Variants in TCF12 observed in about 807,000 individuals in gnomAD.
TCF12 encodes DNA-binding protein HTF4.
In TCF12, 45 loss-of-function variants were observed where a neutral mutation model predicts 86.0. The ratio of observed to expected loss-of-function variants is 0.52; its 90% CI spans 0.41 to 0.67. The LOEUF (loss-of-function observed/expected upper bound fraction) is 0.67. Among genes scored for constraint, TCF12 ranks in the 30% least tolerant of loss-of-function variants. The probability of loss-of-function intolerance (pLI) is 0.00; values close to 1 mark genes in which losing one functional copy is unlikely to be tolerated. For missense variants in TCF12, 881 were observed against 859.9 expected (o/e 1.02, Z -0.31); for synonymous variants, 330 against 299.6 (o/e 1.10, Z -1.05).
chr15:57,199,115 G>C (rs762658141), intron 8 of TCF12, among the ~76,000 whole-genome samples: 14 of 152,158 alleles, frequency 9.2e-5, no homozygotes, highest in Non-Finnish European at 2.1e-4. Context: ...AAAAGCTTTT[G>C]CTTGCATAAG....
At chr15:57,008,854 C>T (rs1477872991) in intron 3 of TCF12, among the ~76,000 whole-genome samples, 1 of 151,976 alleles carries the variant, frequency 6.6e-6, no homozygotes, top group Non-Finnish European at 1.5e-5. Context: ...TCATGATGTC[C>T]ATGAAAGGGC....
chr15:56,942,701 G>A (rs369291512), intron 3 of TCF12, among the ~76,000 whole-genome samples: 4 of 152,100 alleles, frequency 2.6e-5, no homozygotes, highest in African/African-American at 7.2e-5. Context: ...TAGTATAAAA[G>A]CATTGAGGCA....
chr15:57,126,639 A>C (rs2051673576), intron 5 of TCF12, among the ~76,000 whole-genome samples: 1 of 152,158 alleles, frequency 6.6e-6, no homozygotes, highest in Non-Finnish European at 1.5e-5. Context: ...TCTTTCTGTC[A>C]TTGATGTGCC....
chr15:57,068,856 TG>T (rs2150987493), intron 4 of TCF12, among the ~76,000 whole-genome samples: 1 of 152,324 alleles, frequency 6.6e-6, no homozygotes, highest in East Asian at 1.9e-4. Context: ...ACATGTATTT[TG>T]TAGGGTTTTG....
At chr15:57,112,725 A>T (rs1024711658) in intron 5 of TCF12, among the ~76,000 whole-genome samples, 2 of 152,174 alleles carry the variant, frequency 1.3e-5, no homozygotes, top group Non-Finnish European at 2.9e-5. Flanking sequence ...TTATGTGCTA[A>T]ACACTGTGCT....
At chr15:57,104,201 A>G (rs2049957340) in intron 5 of TCF12, among the ~76,000 whole-genome samples, 2 of 152,120 alleles carry the variant, frequency 1.3e-5, no homozygotes, top group South Asian at 2.1e-4. Context: ...GTGAAAATAT[A>G]CTATATTTTC....
chr15:57,219,446 C>G lies in TCF12; in HGVS notation c.580-11706C>G, dbSNP rs180739356. 33 of 1,541,872 alleles carry G rather than the reference C, an allele frequency of 2.1e-5. No individual in the cohort carries two copies. The East Asian group carries it at 4.9e-4, about 23-fold the overall frequency. On this transcript the variant is annotated intron_variant, in intron 8 of 20. Coordinates refer to ENST00000333725, the MANE Select transcript of TCF12 (RefSeq NM_207037.2). ...ATGCATAGTACTGAAGACTTACTCC[C>G]TTTGCCTGTGTGGATATATGTCTTG...
intron 3 of TCF12, among the ~76,000 whole-genome samples, chr15:56,956,078 A>G (rs541294875): frequency 6.6e-5 from 10 of 151,846 alleles, no homozygotes; most frequent in Non-Finnish European, 8.8e-5. Context: ...AGCACTGTAC[A>G]CTTTTTTTCT....
intron 4 of TCF12, among the ~76,000 whole-genome samples, chr15:57,077,176 A>G (rs1177787600): frequency 6.6e-6 from 1 of 152,122 alleles, no homozygotes; most frequent in Non-Finnish European, 1.5e-5. Context: ...CCAGTATGTC[A>G]GTTTCTACGA....
At chr15:57,280,190 C>T (rs2061621054) in intron 19 of TCF12, among the ~76,000 whole-genome samples, 1 of 151,776 alleles carries the variant, frequency 6.6e-6, no homozygotes, top group Admixed American at 6.6e-5. Context: ...ACGCCCAGCC[C>T]ACAGTCTCTT....
At chr15:57,110,543 T>C (rs1403689456) in intron 5 of TCF12, among the ~76,000 whole-genome samples, 1 of 152,234 alleles carries the variant, frequency 6.6e-6, no homozygotes, top group Non-Finnish European at 1.5e-5. Flanking sequence ...CTGGCTTTTA[T>C]GAATTTGGTT....
chr15:57,032,525 CT>C, intron 3 of TCF12, among the ~76,000 whole-genome samples: 2 of 152,226 alleles, frequency 1.3e-5, no homozygotes, highest in African/African-American at 4.8e-5. Context: ...ACCTCCCATG[CT>C]CAAGTGATCC....
intron 3 of TCF12, among the ~76,000 whole-genome samples, chr15:57,016,958 A>C (rs1275159434): frequency 3.9e-5 from 6 of 152,174 alleles, no homozygotes; most frequent in Non-Finnish European, 8.8e-5. Flanking sequence ...GCATGCAGAC[A>C]TCCATTTGGG....
chr15:57,008,462 C>G (rs2064618219), intron 3 of TCF12, among the ~76,000 whole-genome samples: 1 of 150,950 alleles, frequency 6.6e-6, no homozygotes, highest in Non-Finnish European at 1.5e-5. Context: ...TTGAAGTGAT[C>G]CTCTTGCTTC....
chr15:57,233,451 T>C (rs535799119), intron 11 of TCF12, among the ~76,000 whole-genome samples: 56 of 152,096 alleles, frequency 3.7e-4, no homozygotes, highest in Non-Finnish European at 7.5e-4. Context: ...ATGCTAGCAT[T>C]ATAGACATGA....
At chr15:57,048,985 A>G (rs2067427501) in intron 3 of TCF12, among the ~76,000 whole-genome samples, 1 of 152,168 alleles carries the variant, frequency 6.6e-6, no homozygotes, top group Non-Finnish European at 1.5e-5. Flanking sequence ...GTGTTGGTGA[A>G]TGACTCACCA....
chr15:57,150,674 A>G (rs561249827), intron 5 of TCF12, among the ~76,000 whole-genome samples: 2 of 152,302 alleles, frequency 1.3e-5, no homozygotes, highest in East Asian at 3.9e-4. Flanking sequence ...AGTAATCAGT[A>G]GAAACAAGAG....
chr15:57,151,714 G>A lies in TCF12; in HGVS notation c.326-14688G>A, dbSNP rs181226523. On this transcript the variant is annotated intron_variant, in intron 5 of 20. Coordinates refer to ENST00000333725, the MANE Select transcript of TCF12 (RefSeq NM_207037.2). ...CAGGAGGTGGAGGTTGCAGTGAGCCGAGATCATGCCACTGTGCCACTGCAC... is the reference window on the plus strand; with the variant it reads ...CAGGAGGTGGAGGTTGCAGTGAGCCAAGATCATGCCACTGTGCCACTGCAC... 1.5e-3 allele frequency among the ~76,000 whole-genome samples: 223 copies of A among 151,814 alleles called. 1 individual carries two copies. Among genetic ancestry groups the A allele is most frequent in the Non-Finnish European group, 2.2e-3 (152 of 67,968 alleles).
chr15:57,286,148 C>T lies in TCF12; in HGVS notation c.*12-9C>T, dbSNP rs2152156760. ...GTATTGTCCTCTCCCTTGGCTGTCC[C>T]TGCCACAGTTCCAGAGTTATCAGTA... is the stretch of plus-strand genomic sequence containing the variant. On this transcript the variant is annotated splice_polypyrimidine_tract_variant and intron_variant, in intron 20 of 20. Coordinates refer to ENST00000333725, the MANE Select transcript of TCF12 (RefSeq NM_207037.2). The T allele has an allele frequency of 6.3e-6, 1 of 158,532 alleles. No individual in the cohort carries two copies. The highest frequency in any genetic ancestry group is 3.3e-3 in the Middle Eastern group (1 of 304). 9.8% of individuals were successfully genotyped at this position (158,532 alleles called of 1,614,324 possible). A position where few individuals can be genotyped will look rare whatever the true frequency, so the allele number is the denominator to read the frequency against.
Sources: gnomAD v4.1 joint callset for allele counts (sites outside exome capture counted in the v4.1 genomes callset) on GRCh38, gnomAD v4.1.1 for gene constraint, MANE v1.5 for transcripts, NCBI Gene and HGNC (gene_info 2026-07-23, HGNC 2026-07-21) for gene names.